The following PTCHD4 variants were observed in gnomAD, a reference collection of about 807,000 sequenced individuals.
The protein encoded by PTCHD4 is patched domain containing 4.
A neutral mutation model predicts 58.1 loss-of-function variants in PTCHD4; 33 were observed. That is an observed-to-expected ratio of 0.57 (90% CI 0.43 to 0.76). PTCHD4 has a LOEUF of 0.76. Among genes scored for constraint, PTCHD4 ranks in the 30% least tolerant of loss-of-function variants. The pLI, the probability that PTCHD4 is intolerant of heterozygous loss-of-function variation, is 0.00. For synonymous variants in PTCHD4, 478 were observed against 409.6 expected, an observed-to-expected ratio of 1.17 and a Z score of -2.02; for missense variants, 1,058 against 1,027.1, an observed-to-expected ratio of 1.03 and a Z score of -0.41.
chr6:48,091,326 G>A (rs557168235), intron 1 of PTCHD4, among the ~76,000 whole-genome samples: 1 of 151,550 alleles, frequency 6.6e-6, no homozygotes, highest in South Asian at 2.1e-4. Context: ...AATTATAAAA[G>A]GAATGCTCAT....
At chr6:48,037,923 TC>T (rs1763700474) in intron 3 of PTCHD4, among the ~76,000 whole-genome samples, 1 of 151,418 alleles carries the variant, frequency 6.6e-6, no homozygotes, top group Non-Finnish European at 1.5e-5. Flanking sequence ...AAAAAAAAGT[TC>T]CTTTTATTTG....
intron 3 of PTCHD4, among the ~76,000 whole-genome samples, chr6:48,025,697 A>T (rs961198181): frequency 1.3e-5 from 2 of 152,214 alleles, no homozygotes; most frequent in Non-Finnish European, 2.9e-5. Context: ...AATTTGTTAC[A>T]TAAGCAGGTA....
intron 3 of PTCHD4, among the ~76,000 whole-genome samples, chr6:48,066,725 C>T (rs1035712430): frequency 1.3e-5 from 2 of 151,834 alleles, no homozygotes; most frequent in Non-Finnish European, 2.9e-5. Flanking sequence ...CACTAAACAT[C>T]AAGGGGCTGC....
chr6:48,006,262 T>A (rs973904395), intron 4 of PTCHD4, among the ~76,000 whole-genome samples: 1 of 152,194 alleles, frequency 6.6e-6, no homozygotes, highest in African/African-American at 2.4e-5. Flanking sequence ...GGTCTAGACT[T>A]TTCCCTCACT....
intron 3 of PTCHD4, among the ~76,000 whole-genome samples, chr6:48,030,829 A>C (rs1280254054): frequency 6.6e-6 from 1 of 152,108 alleles, no homozygotes; most frequent in Non-Finnish European, 1.5e-5. Context: ...GTTTCTAACT[A>C]TTAATCTTTG....
rs1581882801 is a variant in PTCHD4 at position 47,922,154 on chromosome 6, C to T, written c.899-42218G>A. The stretch of plus-strand genomic sequence containing the variant: ...CCTGTCTTAAAAGAAAAAAAAGTTA[C>T]TATTTTGTAGATTTGTGTTACTCAT... On this transcript the variant is annotated intron_variant, in intron 4 of 4. Transcript: ENST00000339488. 2.6e-5 allele frequency among the ~76,000 whole-genome samples: 4 copies of T among 151,836 alleles called. No homozygotes were observed. In the South Asian group the frequency reaches 8.3e-4, roughly 32 times the overall value.
chr6:48,013,711 T>C (rs2114095540), intron 3 of PTCHD4, among the ~76,000 whole-genome samples: 1 of 152,302 alleles, frequency 6.6e-6, no homozygotes, highest in East Asian at 1.9e-4. Context: ...AATCCCACTT[T>C]GATGTGGAAT....
intron 4 of PTCHD4, among the ~76,000 whole-genome samples, chr6:47,891,874 A>G (rs1016136344): frequency 2.0e-5 from 3 of 152,212 alleles, no homozygotes; most frequent in Admixed American, 6.5e-5. Context: ...GGAAAATAAA[A>G]TGCACTAAAA....
At chr6:47,893,001 AC>A (rs1764425862) in intron 4 of PTCHD4, among the ~76,000 whole-genome samples, 1 of 152,102 alleles carries the variant, frequency 6.6e-6, no homozygotes, top group African/African-American at 2.4e-5. Context: ...TGGTTGATTA[AC>A]TTTATTAGAG....
At chr6:48,013,683 T>C (rs913170542) in intron 3 of PTCHD4, among the ~76,000 whole-genome samples, 1 of 152,058 alleles carries the variant, frequency 6.6e-6, no homozygotes, top group Non-Finnish European at 1.5e-5. Context: ...AGCTCCACCC[T>C]TGTTTCTACA....
intron 4 of PTCHD4, among the ~76,000 whole-genome samples, chr6:47,971,269 C>T (rs966229320): frequency 6.6e-6 from 1 of 151,354 alleles, no homozygotes; most frequent in Non-Finnish European, 1.5e-5. Flanking sequence ...CCAGATCAGA[C>T]GATTAAAAAA....
Position 47,912,812 on chromosome 6 carries a change from A to G in PTCHD4, c.899-32876T>C, listed in dbSNP as rs150903380. 2.6e-3 allele frequency among the ~76,000 whole-genome samples: 389 copies of G among 152,252 alleles called. 1 individual carries two copies. Among genetic ancestry groups the G allele is most frequent in the African/African-American group, 8.7e-3 (361 of 41,566 alleles). The stretch of plus-strand genomic sequence containing the variant: ...TGTTCCAAGAGCAGCACAGAGTGCA[A>G]AGTGGGAAATTTTGGTGACTTGAAT... On this transcript the variant is annotated intron_variant, in intron 4 of 4. Coordinates refer to ENST00000339488, the MANE Select transcript of PTCHD4 (RefSeq NM_001384253.1).
At chr6:47,911,166 T>G (rs1156402745) in intron 4 of PTCHD4, among the ~76,000 whole-genome samples, 1 of 152,100 alleles carries the variant, frequency 6.6e-6, no homozygotes. Context: ...CTAGCTTTGG[T>G]CAAAGGGAAG....
rs372156584 is a variant in PTCHD4, at chr6:47,912,205, A to G, written c.899-32269T>C. ...AGCAGATCTGGAAAACCAAAGGATA[A>G]AACATATCCTTCATGCAACTAGACA... On this transcript the variant is annotated intron_variant, in intron 4 of 4. Coordinates refer to ENST00000339488, the MANE Select transcript of PTCHD4 (RefSeq NM_001384253.1). 1.2e-3 allele frequency among the ~76,000 whole-genome samples: 188 copies of G among 152,214 alleles called. 1 individual carries two copies. The highest frequency in any genetic ancestry group is 6.8e-3 in the Middle Eastern group (2 of 294).
At chr6:47,885,932 C>G (rs6913291) in intron 4 of PTCHD4, among the ~76,000 whole-genome samples, 70,087 of 151,678 alleles carry the variant, frequency 0.46, 17,771 homozygotes, top group East Asian at 0.75. Flanking sequence ...AATTCTCCAG[C>G]CTTAGCCTCC....
intron 4 of PTCHD4, among the ~76,000 whole-genome samples, chr6:48,003,385 C>T (rs1038945886): frequency 6.6e-6 from 1 of 152,160 alleles, no homozygotes. Context: ...CATTCTATCA[C>T]TTATTTGGTC....
intron 4 of PTCHD4, among the ~76,000 whole-genome samples, chr6:47,945,321 T>C (rs1766374757): frequency 6.6e-6 from 1 of 152,120 alleles, no homozygotes; most frequent in African/African-American, 2.4e-5. Context: ...TAACAAATAT[T>C]ACTGGCATGT....
intron 4 of PTCHD4, among the ~76,000 whole-genome samples, chr6:47,923,033 C>T (rs1765482848): frequency 6.6e-6 from 1 of 152,122 alleles, no homozygotes; most frequent in Non-Finnish European, 1.5e-5. Flanking sequence ...TTTTCAGTTT[C>T]CTCTTGTGCT....
chr6:47,909,051 T>C (rs977657174), intron 4 of PTCHD4, among the ~76,000 whole-genome samples: 1 of 152,144 alleles, frequency 6.6e-6, no homozygotes, highest in African/African-American at 2.4e-5. Flanking sequence ...TAATATATAT[T>C]TACTAAAATT....
Sources: gnomAD v4.1 joint callset for allele counts (sites outside exome capture counted in the v4.1 genomes callset) on GRCh38, gnomAD v4.1.1 for gene constraint, MANE v1.5 for transcripts, NCBI Gene and HGNC (gene_info 2026-07-23, HGNC 2026-07-21) for gene names.